DPYD: variants seen among roughly 807,000 people sequenced by gnomAD.
The protein encoded by DPYD is dihydropyrimidine dehydrogenase [NADP(+)].
DPYD carries 109 observed loss-of-function variants against 116.2 expected under a neutral mutation model. The ratio of observed to expected loss-of-function variants is 0.94; its 90% CI spans 0.80 to 1.10. The LOEUF (loss-of-function observed/expected upper bound fraction) is 1.10, where lower values mean the gene tolerates loss of function less well. Ranked by LOEUF, DPYD falls within the 50% of genes least tolerant of loss-of-function variation. DPYD has a pLI of 0.00. For synonymous variants in DPYD, 440 were observed against 432.0 expected (o/e 1.02, Z -0.23); for missense variants, 1,302 against 1,254.5 (o/e 1.04, Z -0.57).
In DPYD at chr1:97,703,303, T is replaced by A. The variant is rs1455703175; in HGVS notation, c.484-3756A>T. Among the ~76,000 whole-genome samples, 4 of 152,140 alleles carry A rather than the reference T, an allele frequency of 2.6e-5. No individual in the cohort carries two copies. In the East Asian group the frequency reaches 7.7e-4, roughly 29 times the overall value. The stretch of plus-strand genomic sequence containing the variant: ...AAGTATGGCATTGAAACGAGACTCT[T>A]GGGGTTGAGTCTTGACTTCCATCAT... On this transcript the variant is annotated intron_variant, in intron 5 of 22. Transcript: ENST00000370192.
chr1:97,484,482 A>C (rs1050773403), intron 13 of DPYD, among the ~76,000 whole-genome samples: 5 of 152,168 alleles, frequency 3.3e-5, no homozygotes, highest in African/African-American at 1.2e-4. Context: ...AAGATGGTAA[A>C]TATTGGTGCG....
intron 1 of DPYD, among the ~76,000 whole-genome samples, chr1:97,888,400 T>C (rs1216226593): frequency 1.3e-5 from 2 of 151,576 alleles, no homozygotes; most frequent in East Asian, 1.9e-4. Flanking sequence ...AATACTGTAA[T>C]GGGATTACCT....
intron 14 of DPYD, among the ~76,000 whole-genome samples, chr1:97,398,227 G>C (rs919535904): frequency 2.6e-5 from 4 of 152,074 alleles, no homozygotes; most frequent in Admixed American, 2.0e-4. Flanking sequence ...ATAGTGTGCT[G>C]AGAATGATGG....
intron 16 of DPYD, among the ~76,000 whole-genome samples, chr1:97,352,583 T>TA (rs1253141819): frequency 6.6e-6 from 1 of 151,760 alleles, no homozygotes; most frequent in Non-Finnish European, 1.5e-5. Context: ...AAAAAAATCT[T>TA]ACAGATTCTA....
intron 2 of DPYD, among the ~76,000 whole-genome samples, chr1:97,842,611 T>C (rs1670091270): frequency 6.6e-6 from 1 of 152,032 alleles, no homozygotes; most frequent in Admixed American, 6.5e-5. Context: ...ATTTCATTAA[T>C]TATTATAACT....
chr1:97,208,886 G>A (rs914137084), intron 19 of DPYD, among the ~76,000 whole-genome samples: 9 of 152,096 alleles, frequency 5.9e-5, no homozygotes, highest in African/African-American at 1.4e-4. Flanking sequence ...GACACAATGC[G>A]TTTGATTCAG....
At chr1:97,628,811 T>A (rs955444432) in intron 8 of DPYD, among the ~76,000 whole-genome samples, 1 of 152,120 alleles carries the variant, frequency 6.6e-6, no homozygotes, top group African/African-American at 2.4e-5. Context: ...AATATGCATG[T>A]ATATATGTAT....
intron 3 of DPYD, among the ~76,000 whole-genome samples, chr1:97,776,611 A>T (rs997748559): frequency 6.6e-6 from 1 of 152,156 alleles, no homozygotes; most frequent in Non-Finnish European, 1.5e-5. Context: ...GTAGAAGAAG[A>T]AGTAGTGGAG....
At chr1:97,467,011 G>A (rs1285813312) in intron 13 of DPYD, among the ~76,000 whole-genome samples, 1 of 152,146 alleles carries the variant, frequency 6.6e-6, no homozygotes, top group Non-Finnish European at 1.5e-5. Flanking sequence ...AAAAATTCCA[G>A]GCACCTAGCT....
chr1:97,829,608 T>A (rs1027307928), intron 2 of DPYD, among the ~76,000 whole-genome samples: 1 of 152,140 alleles, frequency 6.6e-6, no homozygotes, highest in Admixed American at 6.5e-5. Context: ...TTTAAGAAAT[T>A]TAAAAACTTT....
At chr1:97,618,897 G>A (rs1656464278) in intron 8 of DPYD, among the ~76,000 whole-genome samples, 1 of 152,166 alleles carries the variant, frequency 6.6e-6, no homozygotes. Flanking sequence ...AGGCAGTGTA[G>A]ATAGAAGAAA....
At chr1:97,266,265 CA>C (rs1664218005) in intron 18 of DPYD, among the ~76,000 whole-genome samples, 1 of 152,116 alleles carries the variant, frequency 6.6e-6, no homozygotes, top group Admixed American at 6.5e-5. Flanking sequence ...CTTAGCATAT[CA>C]AGGGAGAATA....
intron 12 of DPYD, among the ~76,000 whole-genome samples, chr1:97,544,615 T>C (rs185441129): frequency 7.3e-4 from 111 of 152,206 alleles, no homozygotes; most frequent in African/African-American, 2.6e-3. Context: ...TAATTTCTTT[T>C]TTTTTCCAGT....
intron 18 of DPYD, among the ~76,000 whole-genome samples, chr1:97,284,112 T>A (rs1173488553): frequency 1.3e-5 from 2 of 152,154 alleles, no homozygotes; most frequent in African/African-American, 4.8e-5. Flanking sequence ...GAACAGAGCA[T>A]CTCTATTAAC....
chr1:97,765,693 G>T (rs749590497), intron 3 of DPYD, among the ~76,000 whole-genome samples: 9 of 152,176 alleles, frequency 5.9e-5, no homozygotes, highest in Non-Finnish European at 1.0e-4. Context: ...ATACATGCAC[G>T]TTGTTCTAGG....
chr1:97,702,784 ATG>A (rs1274321704), intron 5 of DPYD, among the ~76,000 whole-genome samples: 1 of 152,024 alleles, frequency 6.6e-6, no homozygotes, highest in Non-Finnish European at 1.5e-5. Context: ...AATACACAAT[ATG>A]TATGTATTTT....
chr1:97,233,905 C>T (rs1166871109), intron 19 of DPYD, among the ~76,000 whole-genome samples: 2 of 152,176 alleles, frequency 1.3e-5, no homozygotes, highest in African/African-American at 4.8e-5. Context: ...AGTCTGCCTC[C>T]ATTAGCTTTC....
At chr1:97,544,233 G>C (rs1004891832) in intron 12 of DPYD, among the ~76,000 whole-genome samples, 1 of 152,154 alleles carries the variant, frequency 6.6e-6, no homozygotes, top group Non-Finnish European at 1.5e-5. Context: ...AATGTGGAGA[G>C]AGAAAAATCC....
intron 3 of DPYD, among the ~76,000 whole-genome samples, chr1:97,759,639 A>T (rs1480327342): frequency 6.6e-6 from 1 of 152,188 alleles, no homozygotes; most frequent in Non-Finnish European, 1.5e-5. Context: ...TTAGATGAAT[A>T]TTTGTAAAAC....
Sources: gnomAD v4.1 joint callset for allele counts (sites outside exome capture counted in the v4.1 genomes callset) on GRCh38, gnomAD v4.1.1 for gene constraint, MANE v1.5 for transcripts, NCBI Gene and HGNC (gene_info 2026-07-23, HGNC 2026-07-21) for gene names.